The following CACNA2D2 variants were observed in gnomAD, a reference collection of about 807,000 sequenced individuals.
CACNA2D2 encodes the protein calcium voltage-gated channel auxiliary subunit alpha2delta 2.
Under a neutral mutation model 166.4 loss-of-function variants are expected in CACNA2D2, and 48 were observed. The observed-to-expected ratio is 0.29, with a 90% CI of 0.23 to 0.37. CACNA2D2 has a LOEUF of 0.37. CACNA2D2 is among the 10% of genes least tolerant of loss of function. The pLI is 1.00. For synonymous variants in CACNA2D2, 561 were observed against 573.7 expected, an observed-to-expected ratio of 0.98 and a Z score of 0.32; for missense variants, 1,122 against 1,433.0, an observed-to-expected ratio of 0.78 and a Z score of 3.50.
intron 6 of CACNA2D2, among the ~76,000 whole-genome samples, chr3:50,383,233 G>A (rs1216135846): frequency 6.6e-6 from 1 of 152,180 alleles, no homozygotes; most frequent in Non-Finnish European, 1.5e-5. Context: ...GCAGGGGGGA[G>A]CATCCTTCCC....
intron 2 of CACNA2D2, among the ~76,000 whole-genome samples, chr3:50,448,036 C>A (rs72937000): frequency 0.03 from 4,643 of 152,268 alleles, 234 homozygotes; most frequent in African/African-American, 0.11. Flanking sequence ...CTAGCCTCCC[C>A]CAGGGCCTTG....
Position 50,367,028 on chromosome 3 carries a change from C to A in CACNA2D2, c.2483G>T (p.Arg828Leu). Residue 828 changes from arginine (R) to leucine (L), a missense_variant, in exon 28 of 38, where the codon CGC becomes CTC. Coordinates refer to ENST00000424201, the MANE Select transcript of CACNA2D2 (RefSeq NM_006030.4). This position sits in a 1 kb window ranked among gnomAD's most constrained non-coding sequence, Gnocchi z 6.5. ...ACATTCACCTGCTGGCCTCAGTGTG[C>A]GCCTGCCTAGGCTGAGCTCCACAGC... ...STAVELSLGR[R>L]TLRPAVVGVK... 1 of 1,613,656 alleles carries A rather than the reference C, an allele frequency of 6.2e-7. No homozygotes were observed. Among genetic ancestry groups the A allele is most frequent in the Non-Finnish European group, 8.5e-7 (1 of 1,179,876 alleles).
At chr3:50,458,124 G>A (rs903844389) in intron 2 of CACNA2D2, among the ~76,000 whole-genome samples, 1 of 152,244 alleles carries the variant, frequency 6.6e-6, no homozygotes, top group Non-Finnish European at 1.5e-5. Flanking sequence ...TAGCTGGCCC[G>A]CTGTCAGCCA....
Position 50,364,887 on chromosome 3 carries a change from C to T in CACNA2D2, c.3291+1G>A. 6.2e-7 allele frequency: 1 copy of T among 1,613,420 alleles called. No homozygotes were observed. The highest frequency in any genetic ancestry group is 1.1e-5 in the South Asian group (1 of 91,086). Reference sequence around the variant, plus strand: ...TCGGGTCCACCGCCCCCTCTCCTCACTGTCGCGTTGTAGTCGAAGCAGATG... The same window carrying T: ...TCGGGTCCACCGCCCCCTCTCCTCATTGTCGCGTTGTAGTCGAAGCAGATG... On this transcript the variant is annotated splice_donor_variant, in intron 37 of 37. Transcript: ENST00000424201. LOFTEE classifies it high-confidence loss of function.
chr3:50,428,048 G>A (rs759310464), intron 3 of CACNA2D2, among the ~76,000 whole-genome samples: 5 of 152,164 alleles, frequency 3.3e-5, no homozygotes, highest in Admixed American at 3.3e-4. Context: ...GAGGCCCCCA[G>A]TATCTCCCTG....
chr3:50,374,392 A>C (rs1025098796), intron 22 of CACNA2D2, among the ~76,000 whole-genome samples: 3 of 12,064 alleles, frequency 2.5e-4, no homozygotes, highest in African/African-American at 1.1e-3. Flanking sequence ...GTGGGTGGGG[A>C]GGGGAGGGGG....
rs1394088226 is a variant in CACNA2D2 at position 50,503,619 on chromosome 3, TGGCTCCAAG to T, written c.-205_-197del. Reference sequence around the variant, plus strand: ...GCGCGCTGCTATCTCCCTGCAGCGCTGGCTCCAAGCGCTCTGAGCGCCCGGCCCGGGACC... The same window carrying T: ...GCGCGCTGCTATCTCCCTGCAGCGCTCGCTCTGAGCGCCCGGCCCGGGACC... On this transcript the variant is annotated 5_prime_UTR_variant, in exon 1 of 38. Coordinates refer to ENST00000424201, the MANE Select transcript of CACNA2D2 (RefSeq NM_006030.4). 1 of 162,026 alleles carries T rather than the reference TGGCTCCAAG, an allele frequency of 6.2e-6. No homozygotes were observed. Among genetic ancestry groups the T allele is most frequent in the African/African-American group, 2.4e-5 (1 of 41,460 alleles). The allele number at this position is 162,026 out of a possible 1,614,324, so 10.0% of individuals were successfully genotyped here.
intron 3 of CACNA2D2, among the ~76,000 whole-genome samples, chr3:50,401,417 C>T (rs531129858): frequency 6.6e-6 from 1 of 152,116 alleles, no homozygotes; most frequent in Non-Finnish European, 1.5e-5. Context: ...GTGCCTGCAC[C>T]CCCTCAGTCC....
intron 3 of CACNA2D2, among the ~76,000 whole-genome samples, chr3:50,395,688 T>C (rs976343141): frequency 6.6e-6 from 1 of 152,214 alleles, no homozygotes; most frequent in Non-Finnish European, 1.5e-5. Flanking sequence ...TTTCCTCCTC[T>C]GAAGCATGGA....
At position 50,380,849 on chromosome 3, in the gene CACNA2D2, G is replaced by A. The variant is rs756533973; in HGVS notation, c.785-44C>T. 4 of 1,533,228 alleles carry A rather than the reference G, an allele frequency of 2.6e-6. No homozygotes were observed. Among genetic ancestry groups the A allele is most frequent in the Non-Finnish European group, 3.5e-6 (4 of 1,137,838 alleles). 95.0% of individuals were successfully genotyped at this position (1,533,228 alleles called of 1,614,324 possible). A position where few individuals can be genotyped will look rare whatever the true frequency, so the allele number is the denominator to read the frequency against. ...TGAGGGGGACTGGCAGGAAAGGGCT[G>A]GCCTGGGTAGGCAGACCTTGCAGAG... On this transcript the variant is annotated intron_variant, in intron 7 of 37. Coordinates refer to ENST00000424201, the MANE Select transcript of CACNA2D2 (RefSeq NM_006030.4). The surrounding 1 kb of genome is among the most constrained non-coding windows in gnomAD (Gnocchi z 4.9).
chr3:50,434,292 G>GC (rs779494871), intron 3 of CACNA2D2, 21 bp downstream of exon 3: 3 of 1,562,418 alleles, frequency 1.9e-6, no homozygotes, highest in Non-Finnish European at 2.6e-6. Flanking sequence ...CCGCCCCCCT[G>GC]CCCCCAAAAC....
At position 50,457,509 on chromosome 3, in the gene CACNA2D2, G is replaced by A. The variant is rs80231164; in HGVS notation, c.288+18609C>T. 9.3e-3 allele frequency among the ~76,000 whole-genome samples: 1,418 copies of A among 152,222 alleles called. 17 individuals carry two copies. The highest frequency in any genetic ancestry group is 0.05 in the East Asian group (256 of 5,170). ...CTCTCTCAGGGGCCAATGTCTCCCC[G>A]CAGCTCCTGGAAACCTCTGCCTTGG... On this transcript the variant is annotated intron_variant, in intron 2 of 37. Transcript: ENST00000424201.
intron 23 of CACNA2D2, among the ~76,000 whole-genome samples, 166 bp downstream of exon 23, chr3:50,370,154 A>G (rs587640704): frequency 2.0e-5 from 3 of 152,256 alleles, no homozygotes; most frequent in South Asian, 2.1e-4. Context: ...GGTGCGGTAC[A>G]TGGCCTGGGT....
intron 1 of CACNA2D2, among the ~76,000 whole-genome samples, chr3:50,484,903 G>T (rs1308718458): frequency 6.6e-6 from 1 of 152,226 alleles, no homozygotes; most frequent in Non-Finnish European, 1.5e-5. Flanking sequence ...CATGGGGTAG[G>T]CAGGTGGGGT....
intron 3 of CACNA2D2, among the ~76,000 whole-genome samples, chr3:50,426,309 ATGAC>A (rs1707806119): frequency 1.3e-5 from 2 of 152,318 alleles, no homozygotes; most frequent in South Asian, 2.1e-4. Flanking sequence ...GGTTTGCTGA[ATGAC>A]TGAGTGAGCA....
At position 50,365,921 on chromosome 3, in the gene CACNA2D2, A is replaced by G; in HGVS notation, c.2863-59T>C. Reference sequence around the variant, plus strand: ...CTGCCCCTCGCCCTAGGTCACCCCCAGCTTTATCAAATGTCAGAGGTAGGG... The same window carrying G: ...CTGCCCCTCGCCCTAGGTCACCCCCGGCTTTATCAAATGTCAGAGGTAGGG... On this transcript the variant is annotated intron_variant, in intron 32 of 37. Coordinates refer to ENST00000424201, the MANE Select transcript of CACNA2D2 (RefSeq NM_006030.4). The surrounding 1 kb of genome is among the most constrained non-coding windows in gnomAD (Gnocchi z 4.5). 1.2e-6 allele frequency: 2 copies of G among 1,612,230 alleles called. No individual in the cohort carries two copies. Among genetic ancestry groups the G allele is most frequent in the Admixed American group, 1.7e-5 (1 of 59,952 alleles).
At chr3:50,370,717 C>CAT (rs942563918) in intron 22 of CACNA2D2, among the ~76,000 whole-genome samples, 11 of 151,930 alleles carry the variant, frequency 7.2e-5, no homozygotes, top group Non-Finnish European at 8.8e-5. Flanking sequence ...CACACACACA[C>CAT]ATATATATAC....
At chr3:50,387,213 C>T (rs1705652083) in intron 5 of CACNA2D2, among the ~76,000 whole-genome samples, 1 of 152,172 alleles carries the variant, frequency 6.6e-6, no homozygotes, top group Non-Finnish European at 1.5e-5. Flanking sequence ...TTCCTGCATC[C>T]TGCTCACACC....
intron 3 of CACNA2D2, among the ~76,000 whole-genome samples, chr3:50,405,198 G>A (rs1015356628): frequency 5.3e-5 from 8 of 152,098 alleles, no homozygotes; most frequent in African/African-American, 1.7e-4. Context: ...GGGACAAAAG[G>A]GCCCTGAAAT....
Sources: gnomAD v4.1 joint callset for allele counts (sites outside exome capture counted in the v4.1 genomes callset) on GRCh38, gnomAD v4.1.1 for gene constraint, Gnocchi (gnomAD v3.1) non-coding constraint, MANE v1.5 for transcripts, NCBI Gene and HGNC (gene_info 2026-07-23, HGNC 2026-07-21) for gene names.